The following TCFL5 variants were observed in gnomAD, a reference collection of about 807,000 sequenced individuals.
The protein encoded by TCFL5 is transcription factor-like 5 protein.
In TCFL5, 9 loss-of-function variants were observed where a neutral mutation model predicts 44.3. That is an observed-to-expected ratio of 0.20 (90% CI 0.12 to 0.35). The LOEUF is 0.35. Among genes scored for constraint, TCFL5 ranks in the 10% least tolerant of loss-of-function variants. The pLI is 1.00. For missense variants in TCFL5, 603 were observed against 613.4 expected (o/e 0.98, Z 0.18); for synonymous variants, 319 against 271.6 (o/e 1.17, Z -1.72).
chr20:62,860,251 T>C lies in TCFL5; in HGVS notation c.705A>G (p.Gln235=). ...SELMNVPLQQ[Q]NKCTALVKNK... ...TTTTCACTAATGCTGTACATTTGTT[T>C]TGTTGCTGAAGAGGAACATTCATTA... The change falls in exon 2 of 6, where the codon CAA becomes CAG. Residue 235 remains glutamine, a synonymous_variant. Transcript: ENST00000335351. The C allele has an allele frequency of 1.2e-6, 2 of 1,613,794 alleles. No homozygotes were observed. The highest frequency in any genetic ancestry group is 1.1e-5 in the South Asian group (1 of 91,070).
intron 4 of TCFL5, among the ~76,000 whole-genome samples, chr20:62,857,092 G>A (rs74901179): frequency 1.3e-5 from 2 of 152,192 alleles, no homozygotes; most frequent in African/African-American, 4.8e-5. Context: ...GCTCTTAGAA[G>A]CTTGCACCTC....
chr20:62,848,862 CCT>C (rs879731484), intron 5 of TCFL5, among the ~76,000 whole-genome samples: 4 of 152,002 alleles, frequency 2.6e-5, no homozygotes, highest in Admixed American at 1.3e-4. Flanking sequence ...ATGGTGAAAC[CCT>C]GTCTCTATTA....
intron 5 of TCFL5, among the ~76,000 whole-genome samples, chr20:62,847,277 CA>C (rs1445087636): frequency 2.0e-5 from 3 of 151,222 alleles, no homozygotes; most frequent in Non-Finnish European, 4.4e-5. Context: ...CACACCAGGA[CA>C]AATTTACTAT....
intron 5 of TCFL5, among the ~76,000 whole-genome samples, chr20:62,853,652 G>A (rs1232317213): frequency 6.6e-6 from 1 of 152,088 alleles, no homozygotes; most frequent in Non-Finnish European, 1.5e-5. Flanking sequence ...TGGCTGGCCG[G>A]TTTTTGTTTT....
chr20:62,846,950 C>T (rs895339873), intron 5 of TCFL5, among the ~76,000 whole-genome samples: 3 of 151,940 alleles, frequency 2.0e-5, no homozygotes, highest in Non-Finnish European at 2.9e-5. Context: ...TTTGGGAGGC[C>T]GAGGTGGGTG....
At chr20:62,845,880 C>A (rs1568776103) in intron 5 of TCFL5, 3 of 1,561,986 alleles carry the variant, frequency 1.9e-6, no homozygotes, top group Non-Finnish European at 2.6e-6. Flanking sequence ...AGTGCCAGTG[C>A]CTTCAGTCAA....
intron 5 of TCFL5, chr20:62,852,389 C>T: frequency 1.0e-6 from 1 of 983,800 alleles, no homozygotes; most frequent in Non-Finnish European, 1.2e-6. Flanking sequence ...GGGCCCAGAA[C>T]CCTGGAACTG....
intron 5 of TCFL5, chr20:62,845,117 T>C: frequency 1.0e-6 from 1 of 983,324 alleles, no homozygotes; most frequent in Non-Finnish European, 1.2e-6. Flanking sequence ...ACTCATTTTC[T>C]TCCCAATTTT....
At chr20:62,851,230 G>A (rs950751286) in intron 5 of TCFL5, among the ~76,000 whole-genome samples, 1 of 152,108 alleles carries the variant, frequency 6.6e-6, no homozygotes, top group Non-Finnish European at 1.5e-5. Flanking sequence ...ATTGTGAACT[G>A]ACTTGACCTC....
intron 5 of TCFL5, among the ~76,000 whole-genome samples, chr20:62,848,111 C>T (rs527335547): frequency 2.6e-5 from 4 of 152,322 alleles, no homozygotes; most frequent in South Asian, 2.1e-4. Context: ...CAGGCCAGTC[C>T]GAGTCTGCAG....
chr20:62,850,072 CTTA>C (rs1166268861), intron 5 of TCFL5, among the ~76,000 whole-genome samples: 1 of 152,110 alleles, frequency 6.6e-6, no homozygotes, highest in Non-Finnish European at 1.5e-5. Context: ...ATGAAAAAGA[CTTA>C]TTATCTTGGG....
chr20:62,855,539 C>T (rs6062715), intron 4 of TCFL5, among the ~76,000 whole-genome samples: 1 of 151,802 alleles, frequency 6.6e-6, no homozygotes, highest in African/African-American at 2.4e-5. Context: ...GGCCGAGGCA[C>T]GTGGATCACC....
Position 62,842,182 on chromosome 20 carries a change from G to A in TCFL5, c.1381-85C>T, listed in dbSNP as rs1288961063. On this transcript the variant is annotated intron_variant, in intron 5 of 5. Coordinates refer to ENST00000335351, the MANE Select transcript of TCFL5 (RefSeq NM_006602.4). The surrounding 1 kb of genome is among the most constrained non-coding windows in gnomAD (Gnocchi z 4.3). ...CCAAAGTGCAAAAGGTTCAAATTAAGAGCTAAGTAAATGACTTTAGAATAC... is the reference window on the plus strand; with the variant it reads ...CCAAAGTGCAAAAGGTTCAAATTAAAAGCTAAGTAAATGACTTTAGAATAC... 2.3e-5 allele frequency: 35 copies of A among 1,555,020 alleles called. No individual in the cohort carries two copies. The highest frequency in any genetic ancestry group is 3.0e-5 in the Non-Finnish European group (34 of 1,142,068).
chr20:62,855,873 C>T (rs2063880739), intron 4 of TCFL5, among the ~76,000 whole-genome samples: 4 of 152,128 alleles, frequency 2.6e-5, no homozygotes. Context: ...ATTTCCTGAA[C>T]TTAAAGCAGA....
chr20:62,858,368 G>A (rs2063928757), intron 3 of TCFL5, among the ~76,000 whole-genome samples: 1 of 152,276 alleles, frequency 6.6e-6, no homozygotes, highest in South Asian at 2.1e-4. Flanking sequence ...AGGAGAGAGA[G>A]GAATTCGGTC....
At chr20:62,858,191 G>C (rs2063925237) in intron 3 of TCFL5, among the ~76,000 whole-genome samples, 1 of 152,252 alleles carries the variant, frequency 6.6e-6, no homozygotes, top group Non-Finnish European at 1.5e-5. Flanking sequence ...CCCAAAGCAG[G>C]AAGAAGTAGC....
In TCFL5 at chr20:62,861,327, G is replaced by A. The variant is rs867495304; in HGVS notation, c.344C>T (p.Ala115Val). 2 of 1,145,440 alleles carry A rather than the reference G, an allele frequency of 1.7e-6. No homozygotes were observed. Among genetic ancestry groups the A allele is most frequent in the South Asian group, 2.3e-5 (1 of 43,646 alleles). 71.0% of individuals were successfully genotyped at this position (1,145,440 alleles called of 1,614,324 possible). A position where few individuals can be genotyped will look rare whatever the true frequency, so the allele number is the denominator to read the frequency against. Residue 115 changes from alanine (A) to valine (V), a missense_variant, in exon 1 of 6, where the codon GCG becomes GTG. By Grantham distance (64) the Ala-to-Val change is moderately conservative (BLOSUM62 0). Around this residue, in one of 4 missense-constraint regions of TCFL5, gnomAD observed 540 missense variants for 478.7 expected, o/e 1.13. Coordinates refer to ENST00000335351, the MANE Select transcript of TCFL5 (RefSeq NM_006602.4). The surrounding 1 kb of genome is among the most constrained non-coding windows in gnomAD (Gnocchi z 4.0). ...VYPVLCPSAL[A>V]ADAPCLGHID... ...GTGGCCCAGGCAGGGCGCGTCGGCC[G>A]CCAGCGCGGACGGGCACAGCACGGG...
At chr20:62,854,753 C>T (rs150972814) in intron 4 of TCFL5, among the ~76,000 whole-genome samples, 2 of 152,328 alleles carry the variant, frequency 1.3e-5, no homozygotes, top group African/African-American at 4.8e-5. Flanking sequence ...TTACATATTA[C>T]ATTCAGTAAC....
intron 4 of TCFL5, among the ~76,000 whole-genome samples, chr20:62,854,884 C>T (rs1388232914): frequency 6.6e-6 from 1 of 152,208 alleles, no homozygotes; most frequent in Non-Finnish European, 1.5e-5. Context: ...CAGCAGCTGG[C>T]ATTTACTAGG....
Sources: gnomAD v4.1 joint callset for allele counts (sites outside exome capture counted in the v4.1 genomes callset) on GRCh38, gnomAD v4.1.1 for gene constraint, gnomAD v4.1.1 regional missense constraint, Gnocchi (gnomAD v3.1) non-coding constraint, MANE v1.5 for transcripts, NCBI Gene and HGNC (gene_info 2026-07-23, HGNC 2026-07-21) for gene names.